HSD17B4: variants seen among roughly 807,000 people sequenced by gnomAD.
The protein encoded by HSD17B4 is peroxisomal multifunctional enzyme type 2.
Under a neutral mutation model 101.0 loss-of-function variants are expected in HSD17B4, and 70 were observed. The observed-to-expected ratio is 0.69, with a 90% CI of 0.57 to 0.85. The LOEUF (loss-of-function observed/expected upper bound fraction) is 0.85, where lower values mean the gene tolerates loss of function less well. Among genes scored for constraint, HSD17B4 ranks in the 40% least tolerant of loss-of-function variants. The pLI, the probability that HSD17B4 is intolerant of heterozygous loss-of-function variation, is 0.00. For missense variants in HSD17B4, 984 were observed against 892.4 expected, an observed-to-expected ratio of 1.10 and a Z score of -1.31; for synonymous variants, 347 against 297.1, an observed-to-expected ratio of 1.17 and a Z score of -1.73.
intron 8 of HSD17B4, among the ~76,000 whole-genome samples, chr5:119,480,737 C>A (rs1035488436): frequency 6.6e-6 from 1 of 152,116 alleles, no homozygotes; most frequent in African/African-American, 2.4e-5. Flanking sequence ...CCTGGGAGCG[C>A]TATGGGAGAC....
At chr5:119,487,035 A>G (rs1292562512) in intron 8 of HSD17B4, among the ~76,000 whole-genome samples, 1 of 152,040 alleles carries the variant, frequency 6.6e-6, no homozygotes, top group Non-Finnish European at 1.5e-5. Flanking sequence ...TGTCTTTGCT[A>G]CTGCTGATTA....
At chr5:119,511,857 A>G (rs964581601) in intron 16 of HSD17B4, among the ~76,000 whole-genome samples, 1 of 151,798 alleles carries the variant, frequency 6.6e-6, no homozygotes, top group Non-Finnish European at 1.5e-5. Flanking sequence ...ATTATAAGAT[A>G]TGGAAGAAAC....
At chr5:119,487,070 C>T (rs544308042) in intron 8 of HSD17B4, among the ~76,000 whole-genome samples, 8 of 152,202 alleles carry the variant, frequency 5.3e-5, no homozygotes, top group African/African-American at 1.7e-4. Flanking sequence ...CAATTTTGTT[C>T]TGCTTCAGTC....
At chr5:119,460,604 T>C (rs2126630173) in intron 2 of HSD17B4, among the ~76,000 whole-genome samples, 2 of 151,964 alleles carry the variant, frequency 1.3e-5, no homozygotes, top group South Asian at 4.2e-4. Context: ...AGACTTAACA[T>C]CAAATAGATT....
chr5:119,491,950 A>G, intron 9 of HSD17B4, 150 bp from the exon 10 acceptor site: 1 of 738,562 alleles, frequency 1.4e-6, no homozygotes, highest in Non-Finnish European at 2.5e-6. Flanking sequence ...CATGGGGGCC[A>G]GTGGACTCTT....
chr5:119,460,065 T>C (rs1300073196), intron 2 of HSD17B4, among the ~76,000 whole-genome samples: 1 of 151,774 alleles, frequency 6.6e-6, no homozygotes, highest in East Asian at 2.0e-4. Context: ...TTAGTAGAGA[T>C]GGAGTTTCAC....
chr5:119,529,061 A>G lies in HSD17B4; in HGVS notation c.1768-833A>G, dbSNP rs368992647. ...TATCTCTTTCCATGCTTTTCAATGT[A>G]TGTAATTTGAAGTAAAGTGAACAAA... On this transcript the variant is annotated intron_variant, in intron 20 of 23. Transcript: ENST00000510025. Among the ~76,000 whole-genome samples, 27 of 152,296 alleles carry G rather than the reference A, an allele frequency of 1.8e-4. No homozygotes were observed. The East Asian group carries it at 4.4e-3, about 25-fold the overall frequency.
At chr5:119,492,176 C>T (rs765435140) in intron 10 of HSD17B4, 52 bp downstream of exon 10, 3 of 1,342,718 alleles carry the variant, frequency 2.2e-6, no homozygotes, top group South Asian at 1.2e-5. Flanking sequence ...TATCTTTAAA[C>T]CTACATATCC....
chr5:119,477,201 A>G (rs1310311825), intron 6 of HSD17B4, among the ~76,000 whole-genome samples: 6 of 152,126 alleles, frequency 3.9e-5, no homozygotes, highest in African/African-American at 7.2e-5. Flanking sequence ...TAATTTTACA[A>G]ATTATGAGGA....
intron 14 of HSD17B4, among the ~76,000 whole-genome samples, chr5:119,506,079 CA>C (rs1214900667): frequency 6.6e-6 from 1 of 152,098 alleles, no homozygotes; most frequent in Non-Finnish European, 1.5e-5. Context: ...AGTTTTGTTA[CA>C]TAGGTATACA....
At chr5:119,463,863 G>A (rs1580518669) in intron 2 of HSD17B4, among the ~76,000 whole-genome samples, 1 of 151,162 alleles carries the variant, frequency 6.6e-6, no homozygotes, top group Non-Finnish European at 1.5e-5. Flanking sequence ...TAGAGATGGG[G>A]TTTCACCATG....
At chr5:119,518,499 G>T (rs1752843434) in intron 17 of HSD17B4, among the ~76,000 whole-genome samples, 1 of 152,184 alleles carries the variant, frequency 6.6e-6, no homozygotes, top group African/African-American at 2.4e-5. Context: ...AGTGGAGATG[G>T]TATGTGGGTG....
Position 119,473,917 on chromosome 5 carries a change from T to TGG in HSD17B4, c.124_125dup (p.Gly43GlufsTer12). The stretch of plus-strand genomic sequence containing the variant: ...TGTTTTTGCATTACAGTGAATGATT[T>TGG]GGGAGGGGACTTCAAAGGAGTTGGT... On this transcript the variant is annotated frameshift_variant, in exon 3 of 24. Transcript: ENST00000510025. LOFTEE classifies it high-confidence loss of function. 1 of 1,588,058 alleles carries TGG rather than the reference T, an allele frequency of 6.3e-7. No individual in the cohort carries two copies. Among genetic ancestry groups the TGG allele is most frequent in the Non-Finnish European group, 8.6e-7 (1 of 1,156,304 alleles).
At chr5:119,503,077 TG>T (rs1363615097) in intron 14 of HSD17B4, among the ~76,000 whole-genome samples, 31 of 42,474 alleles carry the variant, frequency 7.3e-4, no homozygotes, top group African/African-American at 3.9e-3. Flanking sequence ...CCTTGGAAAT[TG>T]TGTGTGTGTG....
At chr5:119,504,252 A>T (rs1031447408) in intron 14 of HSD17B4, among the ~76,000 whole-genome samples, 1 of 145,950 alleles carries the variant, frequency 6.9e-6, no homozygotes, top group African/African-American at 2.8e-5. Flanking sequence ...ATGAGTGCAT[A>T]TGTCTTTTTG....
chr5:119,508,346 A>G (rs1426358198), intron 15 of HSD17B4, among the ~76,000 whole-genome samples: 2 of 152,226 alleles, frequency 1.3e-5, no homozygotes, highest in Non-Finnish European at 2.9e-5. Context: ...ATTTGTAGAC[A>G]AAGTGAAATT....
chr5:119,473,332 T>C (rs1580543945), intron 2 of HSD17B4, among the ~76,000 whole-genome samples: 1 of 148,270 alleles, frequency 6.7e-6, no homozygotes, highest in East Asian at 2.0e-4. Flanking sequence ...TTTTTTTTTT[T>C]TTCCTGGAAA....
intron 8 of HSD17B4, among the ~76,000 whole-genome samples, chr5:119,487,978 G>A (rs1274311028): frequency 6.6e-6 from 1 of 152,128 alleles, no homozygotes; most frequent in African/African-American, 2.4e-5. Flanking sequence ...AGGCTATAAA[G>A]TGAAGAGTTT....
At chr5:119,526,627 A>G (rs1753624000) in intron 19 of HSD17B4, among the ~76,000 whole-genome samples, 1 of 152,016 alleles carries the variant, frequency 6.6e-6, no homozygotes, top group African/African-American at 2.4e-5. Context: ...ATATTTTCTG[A>G]TGCATTGCCT....
Sources: allele counts gnomAD v4.1 joint callset (sites outside exome capture counted in the v4.1 genomes callset), GRCh38; gene constraint gnomAD v4.1.1; transcripts MANE v1.5; gene names NCBI Gene and HGNC (gene_info 2026-07-23, HGNC 2026-07-21).